ZRSR2: variants seen among roughly 807,000 people sequenced by gnomAD.
ZRSR2 encodes zinc finger CCCH-type, RNA binding motif and serine/arginine rich 2, also known as U2 small nuclear ribonucleoprotein auxiliary factor 35 kDa subunit-related protein 2.
Under a neutral mutation model 39.4 loss-of-function variants are expected in ZRSR2, and 3 were observed. The observed-to-expected ratio is 0.08, with a 90% CI of 0.03 to 0.20. The LOEUF (loss-of-function observed/expected upper bound fraction) is 0.20. Ranked by LOEUF, ZRSR2 falls within the 10% of genes least tolerant of loss-of-function variation. ZRSR2 has a pLI of 1.00. For missense variants in ZRSR2, 256 were observed against 391.5 expected (o/e 0.65, Z 2.92); for synonymous variants, 137 against 136.0 (o/e 1.01, Z -0.05).
intron 3 of ZRSR2, among the ~76,000 whole-genome samples, chrX:15,802,374 A>T (rs781592417): frequency 8.9e-6 from 1 of 112,707 alleles, no homozygotes; most frequent in South Asian, 3.6e-4. Context: ...GTGATATTGG[A>T]TGTCTGAGAC....
At position 15,804,100 on chromosome X, in the gene ZRSR2, C is replaced by A. The variant is rs771258426; in HGVS notation, c.313-11C>A. Reference sequence around the variant, plus strand: ...GACTGAAACAAAGTTACTTTTTCTTCCCCTTTAAAGAGAAAGTTAAAGGAA... The same window carrying A: ...GACTGAAACAAAGTTACTTTTTCTTACCCTTTAAAGAGAAAGTTAAAGGAA... On this transcript the variant is annotated splice_polypyrimidine_tract_variant and intron_variant, in intron 4 of 10. Transcript: ENST00000307771. 8.6e-7 allele frequency: 1 copy of A among 1,168,500 alleles called. No homozygotes were observed. The highest frequency in any genetic ancestry group is 3.0e-5 in the East Asian group (1 of 33,064).
intron 7 of ZRSR2, 51 bp downstream of exon 7, chrX:15,809,369 C>A: frequency 2.2e-6 from 2 of 917,085 alleles, no homozygotes; most frequent in Non-Finnish European, 3.2e-6. Context: ...AAAATGCTGA[C>A]GTTTTTGAGT....
chrX:15,813,598 G>T (rs1932917106), intron 7 of ZRSR2, among the ~76,000 whole-genome samples: 3 of 112,285 alleles, frequency 2.7e-5, no homozygotes, highest in African/African-American at 9.7e-5. Flanking sequence ...TTCCAAAACT[G>T]ACAAATGCTT....
intron 2 of ZRSR2, among the ~76,000 whole-genome samples, chrX:15,794,041 A>G (rs1932367947): frequency 8.9e-6 from 1 of 112,377 alleles, no homozygotes; most frequent in Non-Finnish European, 1.9e-5. Flanking sequence ...CTACCTCGTC[A>G]GAAATTAAGA....
At chrX:15,796,725 G>T (rs1289680225) in intron 2 of ZRSR2, among the ~76,000 whole-genome samples, 5 of 104,266 alleles carry the variant, frequency 4.8e-5, no homozygotes, top group African/African-American at 1.7e-4. Flanking sequence ...AAAAATGTTT[G>T]AGACCGAACT....
chrX:15,814,366 C>T (rs772421405), intron 7 of ZRSR2, among the ~76,000 whole-genome samples: 1 of 112,068 alleles, frequency 8.9e-6, no homozygotes, highest in African/African-American at 3.2e-5. Flanking sequence ...TGGTAGCTCA[C>T]ACCTGTAATC....
At chrX:15,802,541 A>G (rs1379919764) in intron 3 of ZRSR2, among the ~76,000 whole-genome samples, 2 of 111,194 alleles carry the variant, frequency 1.8e-5, no homozygotes. Context: ...CTCATTGCAA[A>G]CTCCGCCTCC....
At chrX:15,822,654 G>T (rs1237288259) in intron 10 of ZRSR2, 77 bp from the exon 11 acceptor site, 11 of 1,196,799 alleles carry the variant, frequency 9.2e-6, no homozygotes, top group African/African-American at 1.7e-5. Flanking sequence ...TATCAGAAAT[G>T]TACCTTCGGA....
intron 9 of ZRSR2, among the ~76,000 whole-genome samples, chrX:15,819,276 A>C (rs1271892570): frequency 1.8e-5 from 2 of 109,194 alleles, no homozygotes; most frequent in African/African-American, 6.7e-5. Context: ...GTTCAAGACC[A>C]GCCTGGTCAA....
rs768358898 is a variant in ZRSR2 at position 15,803,724 on chromosome X, G to A, written c.240G>A (p.Gln80=). 11 of 1,200,543 alleles carry A rather than the reference G, an allele frequency of 9.2e-6. No homozygotes were observed. In the South Asian group the frequency reaches 1.8e-4, roughly 20 times the overall value. Reference sequence around the variant, plus strand: ...ATGAGGAGTGGTTGCTAAGAGAGCAGAAGGCACAAGAAGAATTCAGAATAA... The same window carrying A: ...ATGAGGAGTGGTTGCTAAGAGAGCAAAAGGCACAAGAAGAATTCAGAATAA... ...RLHEEWLLRE[Q]KAQEEFRIKK... is the part of the protein sequence containing the mutation. The change falls in exon 4 of 11, where the codon CAG becomes CAA. Residue 80 remains glutamine, a synonymous_variant. Transcript: ENST00000307771.
At chrX:15,819,113 TTAAA>T (rs1444275486) in intron 9 of ZRSR2, among the ~76,000 whole-genome samples, 1 of 111,276 alleles carries the variant, frequency 9.0e-6, no homozygotes, top group Non-Finnish European at 1.9e-5. Context: ...AAATTAAAGT[TTAAA>T]TAAATCTAAA....
At chrX:15,794,670 A>G (rs1023559200) in intron 2 of ZRSR2, among the ~76,000 whole-genome samples, 2 of 111,584 alleles carry the variant, frequency 1.8e-5, no homozygotes, top group African/African-American at 3.3e-5. Flanking sequence ...CAGAGGTGGA[A>G]GAGGTGGAGG....
chrX:15,792,914 A>G (rs1012090417), intron 2 of ZRSR2, among the ~76,000 whole-genome samples: 2 of 112,231 alleles, frequency 1.8e-5, no homozygotes, highest in Admixed American at 9.5e-5. Context: ...CTTGAGAAAC[A>G]TAGCCATAGA....
chrX:15,804,583 C>T (rs918843893), intron 5 of ZRSR2, among the ~76,000 whole-genome samples: 2 of 111,850 alleles, frequency 1.8e-5, no homozygotes, highest in African/African-American at 6.5e-5. Context: ...TCCAGGAAAG[C>T]TTTATTTACA....
intron 7 of ZRSR2, 90 bp from the exon 8 acceptor site, chrX:15,815,587 G>A (rs780314302): frequency 1.3e-4 from 104 of 811,944 alleles, no homozygotes; most frequent in Admixed American, 7.0e-4. Flanking sequence ...GATTACAGGC[G>A]TGAGCCACCA....
intron 2 of ZRSR2, among the ~76,000 whole-genome samples, chrX:15,797,958 G>C (rs1392771016): frequency 8.9e-6 from 1 of 111,891 alleles, no homozygotes; most frequent in Non-Finnish European, 1.9e-5. Flanking sequence ...GCATACCTCT[G>C]CAAGTAGTCA....
At chrX:15,817,544 C>T (rs73635832) in intron 8 of ZRSR2, among the ~76,000 whole-genome samples, 1,678 of 111,603 alleles carry the variant, frequency 0.015, 25 homozygotes, top group African/African-American at 0.052. Flanking sequence ...GTAATAGGAA[C>T]AGTACATATG....
At position 15,797,304 on chromosome X, in the gene ZRSR2, G is replaced by A. The variant is rs186998919; in HGVS notation, c.122-2568G>A. Among the ~76,000 whole-genome samples, 18 of 103,838 alleles carry A rather than the reference G, an allele frequency of 1.7e-4. No homozygotes were observed. In the East Asian group the frequency reaches 4.6e-3, roughly 27 times the overall value. 90.2% of individuals were successfully genotyped at this position (103,838 alleles called of 115,157 possible). A position where few individuals can be genotyped will look rare whatever the true frequency, so the allele number is the denominator to read the frequency against. On this transcript the variant is annotated intron_variant, in intron 2 of 10. Coordinates refer to ENST00000307771, the MANE Select transcript of ZRSR2 (RefSeq NM_005089.4). ...TGACTCACTGCAACCTCCACCTCCC[G>A]GGTTCAAGCAATTCTCCTCCCTCAG...
chrX:15,818,909 T>G (rs1933036359), intron 9 of ZRSR2, among the ~76,000 whole-genome samples: 2 of 108,831 alleles, frequency 1.8e-5, no homozygotes, highest in South Asian at 8.1e-4. Context: ...TAGCTGGGAT[T>G]ACAGGTGCCT....
Sources: gnomAD v4.1 joint callset for allele counts (sites outside exome capture counted in the v4.1 genomes callset) on GRCh38, gnomAD v4.1.1 for gene constraint, MANE v1.5 for transcripts, NCBI Gene and HGNC (gene_info 2026-07-23, HGNC 2026-07-21) for gene names.